SLC2A9: variants seen among roughly 807,000 people sequenced by gnomAD.
SLC2A9 encodes the protein solute carrier family 2, facilitated glucose transporter member 9.
A neutral mutation model predicts 50.6 loss-of-function variants in SLC2A9; 39 were observed. The ratio of observed to expected loss-of-function variants is 0.77; its 90% CI spans 0.60 to 1.01. The LOEUF is 1.01. Ranked by LOEUF, SLC2A9 falls within the 50% of genes least tolerant of loss-of-function variation. The pLI is 0.00. For synonymous variants in SLC2A9, 324 were observed against 276.9 expected, an observed-to-expected ratio of 1.17 and a Z score of -1.69; for missense variants, 686 against 677.6, an observed-to-expected ratio of 1.01 and a Z score of -0.14.
chr4:9,950,492 T>G (rs369614976), intron 5 of SLC2A9, among the ~76,000 whole-genome samples: 1 of 152,058 alleles, frequency 6.6e-6, no homozygotes, highest in Non-Finnish European at 1.5e-5. Context: ...AGCAATCTTA[T>G]GGGAAAAAAT....
At chr4:9,817,806 C>A (rs1300153324) in intron 3 of SLC2A9, among the ~76,000 whole-genome samples, 2 of 152,150 alleles carry the variant, frequency 1.3e-5, no homozygotes, top group African/African-American at 4.8e-5. Context: ...GCCCCCTAAT[C>A]TCTCTGGAAG....
chr4:9,860,386 A>T (rs1731419889), intron 10 of SLC2A9, among the ~76,000 whole-genome samples: 2 of 152,326 alleles, frequency 1.3e-5, no homozygotes, highest in South Asian at 4.1e-4. Context: ...CCTGGCACAG[A>T]TGAGGTACTT....
intron 10 of SLC2A9, among the ~76,000 whole-genome samples, chr4:9,852,424 T>G (rs1301201160): frequency 6.6e-6 from 1 of 151,268 alleles, no homozygotes; most frequent in African/African-American, 2.4e-5. Flanking sequence ...GGCTAATTTT[T>G]TGTATTTTTA....
Position 10,019,076 on chromosome 4 carries a change from G to C in SLC2A9, c.151-3C>G. The C allele has an allele frequency of 6.4e-7, 1 of 1,551,194 alleles. No individual in the cohort carries two copies. The highest frequency in any genetic ancestry group is 8.7e-7 in the Non-Finnish European group (1 of 1,146,884). On this transcript the variant is annotated splice_polypyrimidine_tract_variant and splice_region_variant and intron_variant, in intron 1 of 11. Transcript: ENST00000264784. ...ACGAGGAGCGAGCAGGACCAGTCCT[G>C]AGGGGAGAGGAAACCACGTCAGAGC...
At chr4:9,889,961 C>G (rs1284448751) in intron 9 of SLC2A9, among the ~76,000 whole-genome samples, 1 of 152,204 alleles carries the variant, frequency 6.6e-6, no homozygotes, top group Non-Finnish European at 1.5e-5. Context: ...CAAAAAAATA[C>G]TGATGTTGTA....
chr4:9,778,508 C>T (rs535214762), downstream of SLC2A9, among the ~76,000 whole-genome samples: 8 of 152,310 alleles, frequency 5.3e-5, no homozygotes, highest in Admixed American at 4.6e-4. Flanking sequence ...TCCCCCAGAT[C>T]GTAGTTCCCT....
chr4:9,908,286 TG>T lies in SLC2A9; in HGVS notation c.1061del (p.Pro354HisfsTer5). Reference protein sequence around the residue: ...GKAGIPPAKIPYVTLSTGGIE... With the variant: ...GKAGIPPAKIXYVTLSTGGIE... ...TGCCCCCTGTACTCAAGGTGACGTA[TG>T]GGATCTTTGCCGGAGGGATCCCAGC... is the stretch of plus-strand genomic sequence containing the variant. On this transcript the variant is annotated frameshift_variant, in exon 8 of 12. Transcript: ENST00000264784. LOFTEE classifies it high-confidence loss of function. The T allele has an allele frequency of 6.2e-7, 1 of 1,614,150 alleles. No homozygotes were observed. The highest frequency in any genetic ancestry group is 1.6e-4 in the Middle Eastern group (1 of 6,062).
At chr4:10,009,461 T>C (rs761379304) in intron 2 of SLC2A9, 24 of 152,254 alleles carry the variant, frequency 1.6e-4, no homozygotes, top group Non-Finnish European at 3.2e-4. Context: ...TATTATCATT[T>C]GTTTATCTGC....
chr4:9,861,343 G>C (rs182902537), intron 10 of SLC2A9, among the ~76,000 whole-genome samples: 4 of 152,036 alleles, frequency 2.6e-5, no homozygotes, highest in African/African-American at 9.6e-5. Context: ...TGATGATAGT[G>C]AGAACTCACT....
At chr4:9,871,622 G>A (rs1288210261) in intron 10 of SLC2A9, among the ~76,000 whole-genome samples, 1 of 152,156 alleles carries the variant, frequency 6.6e-6, no homozygotes, top group Non-Finnish European at 1.5e-5. Context: ...AATCCAGGAT[G>A]GCTTCATCTT....
intron 5 of SLC2A9, among the ~76,000 whole-genome samples, chr4:9,961,996 C>A (rs1752343215): frequency 6.6e-6 from 1 of 152,132 alleles, no homozygotes; most frequent in Non-Finnish European, 1.5e-5. Context: ...TAGAGAAATG[C>A]AAATCAAAAC....
intron 10 of SLC2A9, among the ~76,000 whole-genome samples, chr4:9,844,522 T>C (rs910899827): frequency 3.3e-5 from 5 of 152,238 alleles, no homozygotes; most frequent in East Asian, 3.8e-4. Flanking sequence ...AAATTCCTAA[T>C]AGTTATACTT....
chr4:9,914,621 A>G (rs1468600470), intron 7 of SLC2A9, among the ~76,000 whole-genome samples: 1 of 152,090 alleles, frequency 6.6e-6, no homozygotes, highest in African/African-American at 2.4e-5. Flanking sequence ...TGACCATCTA[A>G]CGTCCCCTCT....
intron 5 of SLC2A9, among the ~76,000 whole-genome samples, chr4:9,956,325 T>TGC (rs1329302428): frequency 1.4e-4 from 14 of 101,770 alleles, no homozygotes; most frequent in African/African-American, 1.5e-4. Flanking sequence ...CTACTAAAAA[T>TGC]ACAAAAAAAA....
chr4:10,024,217 T>C (rs1330666987), upstream of SLC2A9, among the ~76,000 whole-genome samples: 1 of 151,848 alleles, frequency 6.6e-6, no homozygotes, highest in Non-Finnish European at 1.5e-5. Flanking sequence ...TGCTCACGTG[T>C]GCCTTCCCCT....
intron 5 of SLC2A9, among the ~76,000 whole-genome samples, chr4:9,952,852 T>C (rs1264573141): frequency 2.0e-5 from 3 of 152,226 alleles, no homozygotes; most frequent in African/African-American, 7.2e-5. Context: ...ATACAATGTT[T>C]GATAAATAAT....
intron 6 of SLC2A9, among the ~76,000 whole-genome samples, chr4:9,925,898 C>A (rs1744805411): frequency 6.6e-6 from 1 of 152,118 alleles, no homozygotes; most frequent in Non-Finnish European, 1.5e-5. Flanking sequence ...CTGTTCCGGG[C>A]ATGGTGTGAT....
At chr4:9,976,265 A>T (rs1241714375) in intron 5 of SLC2A9, among the ~76,000 whole-genome samples, 2 of 152,224 alleles carry the variant, frequency 1.3e-5, no homozygotes, top group Non-Finnish European at 2.9e-5. Flanking sequence ...AGTTGAAGTC[A>T]TAAAATAAAT....
At chr4:9,793,880 C>T (rs1270425688) in intron 3 of SLC2A9, among the ~76,000 whole-genome samples, 1 of 152,210 alleles carries the variant, frequency 6.6e-6, no homozygotes, top group Non-Finnish European at 1.5e-5. Flanking sequence ...AAGCAACTTT[C>T]TGTCCCTCTC....
Sources: allele counts gnomAD v4.1 joint callset (sites outside exome capture counted in the v4.1 genomes callset), GRCh38; gene constraint gnomAD v4.1.1; transcripts MANE v1.5; gene names NCBI Gene and HGNC (gene_info 2026-07-23, HGNC 2026-07-21).